The following GRIK3 variants were observed in gnomAD, a reference collection of about 807,000 sequenced individuals.
The protein encoded by GRIK3 is glutamate receptor ionotropic, kainate 3.
A neutral mutation model predicts 102.5 loss-of-function variants in GRIK3; 29 were observed. That is an observed-to-expected ratio of 0.28 (90% CI 0.21 to 0.39). GRIK3 has a LOEUF of 0.39. Among genes scored for constraint, GRIK3 ranks in the 10% least tolerant of loss-of-function variants. GRIK3 has a pLI of 1.00. For synonymous variants in GRIK3, 511 were observed against 504.9 expected (o/e 1.01, Z -0.16); for missense variants, 908 against 1,252.4 (o/e 0.73, Z 4.15).
chr1:36,914,536 G>A lies in GRIK3; in HGVS notation c.116-23440C>T, dbSNP rs71640704. On this transcript the variant is annotated intron_variant, in intron 1 of 15. Transcript: ENST00000373091. ...TACTGGAAACACGCTTCTGGAAATC[G>A]CTGTGTTACAGTGACTTGGGCAAAA... Among the ~76,000 whole-genome samples, 373 of 152,224 alleles carry A rather than the reference G, an allele frequency of 2.5e-3. 2 individuals carry two copies. The highest frequency in any genetic ancestry group is 7.7e-3 in the East Asian group (40 of 5,178).
chr1:36,962,091 T>C (rs1356464377), intron 1 of GRIK3, among the ~76,000 whole-genome samples: 1 of 152,186 alleles, frequency 6.6e-6, no homozygotes, highest in Non-Finnish European at 1.5e-5. Context: ...TGATGGGCAG[T>C]TGCTGGCCAG....
intron 2 of GRIK3, among the ~76,000 whole-genome samples, chr1:36,884,098 A>T (rs528250666): frequency 6.6e-6 from 1 of 152,250 alleles, no homozygotes; most frequent in East Asian, 1.9e-4. Context: ...CCCAGGATTC[A>T]TTGTGGCCAA....
At chr1:36,882,795 G>A (rs144488154) in intron 2 of GRIK3, among the ~76,000 whole-genome samples, 218 of 152,350 alleles carry the variant, frequency 1.4e-3, no homozygotes, top group African/African-American at 5.1e-3. Flanking sequence ...AACATAGTCA[G>A]TGTGGGTTGA....
At chr1:36,939,641 A>G (rs1641698509) in intron 1 of GRIK3, among the ~76,000 whole-genome samples, 1 of 152,258 alleles carries the variant, frequency 6.6e-6, no homozygotes, top group Non-Finnish European at 1.5e-5. Flanking sequence ...AACTACAAAG[A>G]GTATTTAATC....
chr1:36,862,700 C>A (rs1373945051), intron 5 of GRIK3, among the ~76,000 whole-genome samples: 1 of 152,208 alleles, frequency 6.6e-6, no homozygotes, highest in Non-Finnish European at 1.5e-5. Context: ...ATGGGCCAGA[C>A]CACCTGGGCT....
At position 36,819,682 on chromosome 1, in the gene GRIK3, A is replaced by G; in HGVS notation, c.1873+54T>C. On this transcript the variant is annotated intron_variant, in intron 12 of 15. Transcript: ENST00000373091. The surrounding 1 kb of genome is among the most constrained non-coding windows in gnomAD (Gnocchi z 4.1). ...TCTGCTGATGCCAAAGAGGCTGAAG[A>G]CCGCTTGGGGAAAGCAGACCCTGGA... The G allele has an allele frequency of 1.1e-6, 1 of 931,776 alleles. No individual in the cohort carries two copies. 57.7% of individuals were successfully genotyped at this position (931,776 alleles called of 1,614,324 possible).
At chr1:36,983,010 A>T (rs553694124) in intron 1 of GRIK3, among the ~76,000 whole-genome samples, 1 of 152,322 alleles carries the variant, frequency 6.6e-6, no homozygotes, top group Admixed American at 6.5e-5. Context: ...CTGCTGCAGC[A>T]GTGGCTCTGG....
intron 1 of GRIK3, among the ~76,000 whole-genome samples, chr1:36,946,683 C>T (rs1442140757): frequency 6.6e-6 from 1 of 152,196 alleles, no homozygotes; most frequent in Non-Finnish European, 1.5e-5. Context: ...GTGCCAGGCC[C>T]CGTGCTAGCC....
chr1:36,821,868 G>A (rs947733559), intron 11 of GRIK3, among the ~76,000 whole-genome samples: 7 of 152,216 alleles, frequency 4.6e-5, no homozygotes, highest in Admixed American at 2.0e-4. Context: ...GATCTCCCGA[G>A]TCCTGCTCTT....
intron 5 of GRIK3, 26 bp downstream of exon 5, chr1:36,869,722 C>G: frequency 6.4e-7 from 1 of 1,562,168 alleles, no homozygotes; most frequent in Non-Finnish European, 8.8e-7. Flanking sequence ...ACCCCTTTCC[C>G]GTGCCAGGAC....
chr1:36,825,852 C>T (rs1032706091), intron 10 of GRIK3, 26 bp from the exon 11 acceptor site: 1 of 1,524,796 alleles, frequency 6.6e-7, no homozygotes, highest in African/African-American at 1.4e-5. Flanking sequence ...GAGAGAAAGA[C>T]AGACTATGAG....
At chr1:36,893,822 C>A (rs977253013) in intron 1 of GRIK3, among the ~76,000 whole-genome samples, 1 of 152,106 alleles carries the variant, frequency 6.6e-6, no homozygotes, top group Admixed American at 6.5e-5. Context: ...TTTAATGACA[C>A]AGGAAATACC....
At chr1:36,808,027 AC>A (rs1642519284) in intron 13 of GRIK3, among the ~76,000 whole-genome samples, 1 of 151,624 alleles carries the variant, frequency 6.6e-6, no homozygotes, top group Non-Finnish European at 1.5e-5. Flanking sequence ...CTGCCTCCAA[AC>A]CTTTTGTGCT....
At chr1:36,905,480 G>A in intron 1 of GRIK3, among the ~76,000 whole-genome samples, 1 of 148,464 alleles carries the variant, frequency 6.7e-6, no homozygotes, top group Non-Finnish European at 1.5e-5. Flanking sequence ...CATTGAGATA[G>A]AGCTTTGGTA....
chr1:36,949,946 C>A (rs500133), intron 1 of GRIK3, among the ~76,000 whole-genome samples: 4,417 of 152,204 alleles, frequency 0.029, 183 homozygotes, highest in African/African-American at 0.09. Context: ...AGTGGTCAAG[C>A]AACCTTCCCA....
chr1:36,885,654 C>G (rs1308163649), intron 2 of GRIK3, among the ~76,000 whole-genome samples: 2 of 152,158 alleles, frequency 1.3e-5, no homozygotes, highest in Non-Finnish European at 2.9e-5. Context: ...CCTCCATGTT[C>G]CTTCCACCCT....
intron 1 of GRIK3, among the ~76,000 whole-genome samples, chr1:36,921,471 C>T (rs994089390): frequency 6.6e-6 from 1 of 152,156 alleles, no homozygotes; most frequent in African/African-American, 2.4e-5. Flanking sequence ...AACCTCTGAA[C>T]GATATCTCGA....
At chr1:36,932,594 C>T (rs1641608335) in intron 1 of GRIK3, among the ~76,000 whole-genome samples, 1 of 152,194 alleles carries the variant, frequency 6.6e-6, no homozygotes, top group South Asian at 2.1e-4. Flanking sequence ...GCCAAGATGA[C>T]CACTTTTACA....
At chr1:36,938,250 G>T (rs959344454) in intron 1 of GRIK3, among the ~76,000 whole-genome samples, 1 of 152,330 alleles carries the variant, frequency 6.6e-6, no homozygotes, top group Admixed American at 6.5e-5. Flanking sequence ...CACTGCAGGT[G>T]ACTCCAACCC....
Sources: gnomAD v4.1 joint callset for allele counts (sites outside exome capture counted in the v4.1 genomes callset) on GRCh38, gnomAD v4.1.1 for gene constraint, Gnocchi (gnomAD v3.1) non-coding constraint, MANE v1.5 for transcripts, NCBI Gene and HGNC (gene_info 2026-07-23, HGNC 2026-07-21) for gene names.